Variants in GALNT13 observed in about 807,000 individuals in gnomAD.
GALNT13 encodes polypeptide N-acetylgalactosaminyltransferase 13, also known as UDP-GalNAc:polypeptide N-acetylgalactosaminyltransferase 13.
A neutral mutation model predicts 64.2 loss-of-function variants in GALNT13; 28 were observed. That is an observed-to-expected ratio of 0.44 (90% CI 0.32 to 0.60). The LOEUF (loss-of-function observed/expected upper bound fraction) is 0.60, where lower values mean the gene tolerates loss of function less well. Among genes scored for constraint, GALNT13 ranks in the 20% least tolerant of loss-of-function variants. The pLI, the probability that GALNT13 is intolerant of heterozygous loss-of-function variation, is 0.05. For synonymous variants in GALNT13, 214 were observed against 224.6 expected, an observed-to-expected ratio of 0.95 and a Z score of 0.42; for missense variants, 577 against 669.8, an observed-to-expected ratio of 0.86 and a Z score of 1.53.
the GALNT13 span, among the ~76,000 whole-genome samples, chr2:153,790,389 A>T: frequency 1.3e-5 from 2 of 149,084 alleles, no homozygotes; most frequent in African/African-American, 2.4e-5. Context: ...TTATTATGTT[A>T]AAAATAATAT....
the GALNT13 span, among the ~76,000 whole-genome samples, chr2:153,767,185 T>C: frequency 6.6e-6 from 1 of 152,190 alleles, no homozygotes; most frequent in African/African-American, 2.4e-5. Context: ...CATCCACTTA[T>C]AAGTGAGAAC....
intron 3 of GALNT13, among the ~76,000 whole-genome samples, chr2:153,993,635 G>GCAT (rs1473217770): frequency 7.0e-6 from 1 of 142,658 alleles, no homozygotes; most frequent in East Asian, 2.1e-4. Flanking sequence ...GGCGAAGCTT[G>GCAT]CATTGAGCCG....
At chr2:154,005,594 A>G (rs995428248) in intron 3 of GALNT13, among the ~76,000 whole-genome samples, 1 of 152,202 alleles carries the variant, frequency 6.6e-6, no homozygotes, top group African/African-American at 2.4e-5. Flanking sequence ...TCAGAGGCTT[A>G]TCCAAGCACA....
the GALNT13 span, among the ~76,000 whole-genome samples, chr2:153,626,302 G>C: frequency 6.6e-6 from 1 of 152,052 alleles, no homozygotes; most frequent in African/African-American, 2.4e-5. Flanking sequence ...CAACACAAAA[G>C]TGTTCACAAA....
the GALNT13 span, among the ~76,000 whole-genome samples, chr2:153,548,418 C>G: frequency 6.6e-6 from 1 of 152,084 alleles, no homozygotes; most frequent in African/African-American, 2.4e-5. Flanking sequence ...TATTAATAAA[C>G]CAAAAGATAT....
the GALNT13 span, among the ~76,000 whole-genome samples, chr2:153,213,686 C>T: frequency 6.6e-6 from 1 of 152,148 alleles, no homozygotes; most frequent in Non-Finnish European, 1.5e-5. Context: ...CTGTTATTAA[C>T]AGCCATCTGA....
the GALNT13 span, among the ~76,000 whole-genome samples, chr2:153,230,968 C>A: frequency 1.2e-4 from 19 of 152,220 alleles, no homozygotes; most frequent in African/African-American, 4.3e-4. Flanking sequence ...ATCAAAATTT[C>A]TTTTAGATTT....
the GALNT13 span, among the ~76,000 whole-genome samples, chr2:153,703,951 A>G: frequency 6.6e-6 from 1 of 152,080 alleles, no homozygotes; most frequent in Admixed American, 6.6e-5. Context: ...CCCAGATGAA[A>G]ATTTCTATGT....
rs190426217 is a variant in GALNT13, at chr2:153,886,973, T to C, written c.-176-13963T>C. Among the ~76,000 whole-genome samples the C allele has an allele frequency of 1.4e-3, 209 of 152,110 alleles. 5 individuals carry two copies. The East Asian group carries it at 0.029, about 21-fold the overall frequency. On this transcript the variant is annotated intron_variant, in intron 1 of 12. Coordinates refer to ENST00000392825, the MANE Select transcript of GALNT13 (RefSeq NM_052917.4). ...AATCACATAAATGTAGTTTAAAAAT[T>C]CTTATATCTAATTACTAGAAGTATG...
At chr2:153,133,884 G>GA in the GALNT13 span, among the ~76,000 whole-genome samples, 1 of 152,164 alleles carries the variant, frequency 6.6e-6, no homozygotes, top group Non-Finnish European at 1.5e-5. Flanking sequence ...TCTTTCTTCA[G>GA]ACAGCAGCCA....
intron 10 of GALNT13, among the ~76,000 whole-genome samples, chr2:154,400,714 A>G (rs552288784): frequency 2.6e-5 from 4 of 152,190 alleles, no homozygotes; most frequent in Non-Finnish European, 5.9e-5. Flanking sequence ...TAAGTAAGTT[A>G]ATGAAGCATG....
At chr2:153,370,024 T>C in the GALNT13 span, among the ~76,000 whole-genome samples, 2 of 152,202 alleles carry the variant, frequency 1.3e-5, no homozygotes, top group Admixed American at 6.5e-5. Flanking sequence ...TAATTTGATA[T>C]GCAGCAATAG....
intron 4 of GALNT13, among the ~76,000 whole-genome samples, chr2:154,235,089 CAAG>C (rs1026917304): frequency 6.6e-6 from 1 of 151,996 alleles, no homozygotes; most frequent in African/African-American, 2.4e-5. Context: ...CAATGGAAGC[CAAG>C]AAGTATGGGA....
the GALNT13 span, among the ~76,000 whole-genome samples, chr2:153,454,121 T>C: frequency 1.8e-4 from 27 of 152,090 alleles, no homozygotes; most frequent in Admixed American, 1.6e-3. Flanking sequence ...AGGGGTCTAG[T>C]AGGGAAGGAT....
intron 9 of GALNT13, among the ~76,000 whole-genome samples, chr2:154,365,462 G>A (rs1277881905): frequency 2.0e-5 from 3 of 152,062 alleles, no homozygotes; most frequent in South Asian, 2.1e-4. Context: ...AGAACTTGCC[G>A]TTTTTATTAT....
chr2:154,255,978 G>C lies in GALNT13; in HGVS notation c.858-3043G>C, dbSNP rs540765883. ...TGAGGTGGGAGAATCATCTGAGCCTGGGAAGTCGAGGCTGCAGGGAAATCT... is the reference window on the plus strand; with the variant it reads ...TGAGGTGGGAGAATCATCTGAGCCTCGGAAGTCGAGGCTGCAGGGAAATCT... On this transcript the variant is annotated intron_variant, in intron 7 of 12. Transcript: ENST00000392825. Among the ~76,000 whole-genome samples the C allele has an allele frequency of 6.6e-5, 10 of 152,038 alleles. No homozygotes were observed. The South Asian group carries it at 2.1e-3, about 32-fold the overall frequency.
chr2:153,947,325 G>A (rs1476857610), intron 3 of GALNT13, among the ~76,000 whole-genome samples: 14 of 151,902 alleles, frequency 9.2e-5, no homozygotes, highest in Non-Finnish European at 7.4e-5. Context: ...ATGTATTTAT[G>A]TGACTGTGTG....
At chr2:154,111,450 C>T (rs1292645017) in intron 3 of GALNT13, among the ~76,000 whole-genome samples, 1 of 152,230 alleles carries the variant, frequency 6.6e-6, no homozygotes, top group African/African-American at 2.4e-5. Flanking sequence ...AACACTGTAA[C>T]TCCCTTCTTG....
intron 9 of GALNT13, among the ~76,000 whole-genome samples, chr2:154,375,407 G>A (rs188099771): frequency 6.6e-6 from 1 of 152,156 alleles, no homozygotes; most frequent in East Asian, 1.9e-4. Context: ...ATCACCCTCC[G>A]GAAAAACCCT....
Sources: gnomAD v4.1 joint callset for allele counts (sites outside exome capture counted in the v4.1 genomes callset) on GRCh38, gnomAD v4.1.1 for gene constraint, MANE v1.5 for transcripts, NCBI Gene and HGNC (gene_info 2026-07-23, HGNC 2026-07-21) for gene names.